Variants in DAB1 observed in about 807,000 individuals in gnomAD.
DAB1 encodes the protein disabled homolog 1.
Under a neutral mutation model 64.6 loss-of-function variants are expected in DAB1, and 15 were observed. The observed-to-expected ratio is 0.23, with a 90% CI of 0.16 to 0.36. The LOEUF (loss-of-function observed/expected upper bound fraction) is 0.36. Among genes scored for constraint, DAB1 ranks in the 10% least tolerant of loss-of-function variants. The pLI is 1.00. For missense variants in DAB1, 596 were observed against 706.7 expected (o/e 0.84, Z 1.78); for synonymous variants, 235 against 251.9 (o/e 0.93, Z 0.64).
chr1:57,022,114 C>T (rs1295264181), intron 11 of DAB1, among the ~76,000 whole-genome samples: 1 of 152,194 alleles, frequency 6.6e-6, no homozygotes, highest in Admixed American at 6.5e-5. Flanking sequence ...TCCCAAGCAC[C>T]TACACAGGAC....
intron 2 of DAB1, among the ~76,000 whole-genome samples, chr1:58,522,822 T>C (rs906042829): frequency 2.6e-5 from 4 of 152,154 alleles, no homozygotes; most frequent in African/African-American, 9.7e-5. Context: ...AGAAAATATA[T>C]TTACTATTCA....
At position 57,371,523 on chromosome 1, in the gene DAB1, G is replaced by A. The variant is rs186546248; in HGVS notation, c.-137+52407C>T. On this transcript the variant is annotated intron_variant, in intron 1 of 14. Transcript: ENST00000371236. Reference sequence around the variant, plus strand: ...TATTTATATATACATTTATGGAAGCGTCTAATGACAGGTGATTTATTTCTC... The same window carrying A: ...TATTTATATATACATTTATGGAAGCATCTAATGACAGGTGATTTATTTCTC... 3.6e-4 allele frequency among the ~76,000 whole-genome samples: 55 copies of A among 152,202 alleles called. 1 individual carries two copies. The East Asian group carries it at 0.01, about 29-fold the overall frequency.
chr1:57,325,064 C>T (rs887853604), intron 1 of DAB1, among the ~76,000 whole-genome samples: 3 of 152,222 alleles, frequency 2.0e-5, no homozygotes, highest in African/African-American at 7.2e-5. Context: ...ATGCTGGAGC[C>T]TGCCCATTTC....
chr1:57,413,957 A>G (rs1444533737), intron 1 of DAB1, among the ~76,000 whole-genome samples: 1 of 152,192 alleles, frequency 6.6e-6, no homozygotes, highest in South Asian at 2.1e-4. Context: ...GAGCCTGAAA[A>G]TGAAACTGAA....
rs533242556 is a variant in DAB1, at chr1:57,392,222, A to G, written c.-137+31708T>C. 2.6e-5 allele frequency among the ~76,000 whole-genome samples: 4 copies of G among 152,220 alleles called. No individual in the cohort carries two copies. The South Asian group carries it at 8.3e-4, about 32-fold the overall frequency. On this transcript the variant is annotated intron_variant, in intron 1 of 14. Transcript: ENST00000371236. ...ACTCCATCTCTATTCAAAATACAAA[A>G]ATCAACCAGGCATGGTGGCACATGC...
chr1:58,455,225 G>T (rs1645182034), intron 3 of DAB1, among the ~76,000 whole-genome samples: 1 of 152,254 alleles, frequency 6.6e-6, no homozygotes, highest in African/African-American at 2.4e-5. Flanking sequence ...GCTATGACTT[G>T]TGAGCAAATG....
chr1:57,485,840 G>C (rs2101256982), intron 7 of DAB1, among the ~76,000 whole-genome samples: 1 of 152,288 alleles, frequency 6.6e-6, no homozygotes, highest in South Asian at 2.1e-4. Context: ...TTGGTAAACT[G>C]TAAACTATTG....
intron 4 of DAB1, among the ~76,000 whole-genome samples, chr1:58,277,875 C>A (rs183157401): frequency 2.0e-5 from 3 of 152,310 alleles, no homozygotes; most frequent in African/African-American, 7.2e-5. Flanking sequence ...CCATCCAATT[C>A]TTCCCACTTG....
chr1:58,538,736 C>T (rs1646557240), intron 1 of DAB1: 2 of 691,966 alleles, frequency 2.9e-6, no homozygotes, highest in South Asian at 4.4e-5. Context: ...AATACGTTAG[C>T]ACAAAATATT....
intron 7 of DAB1, among the ~76,000 whole-genome samples, chr1:57,577,608 G>A (rs1233586498): frequency 6.6e-6 from 1 of 152,172 alleles, no homozygotes; most frequent in African/African-American, 2.4e-5. Flanking sequence ...AAGGCCACAT[G>A]TGTGGGTGGC....
rs1417356163 is a variant in DAB1 at position 57,543,590 on chromosome 1, A to G, written n.625+106002T>C. Among the ~76,000 whole-genome samples the G allele has an allele frequency of 2.0e-5, 3 of 152,198 alleles. No homozygotes were observed. The East Asian group carries it at 5.8e-4, about 29-fold the overall frequency. ...ATAATGTAAAATAGAGTAAAAACAC[A>G]AAGTCCTAAGAAAATAATGAGAAAG... On this transcript the variant is annotated intron_variant and non_coding_transcript_variant, in intron 7 of 20. Coordinates refer to the DAB1 transcript ENST00000485760.
At chr1:57,643,597 A>G (rs1445584011) in intron 7 of DAB1, among the ~76,000 whole-genome samples, 1 of 152,208 alleles carries the variant, frequency 6.6e-6, no homozygotes, top group African/African-American at 2.4e-5. Flanking sequence ...AGGAACCACT[A>G]TATATTTCAT....
rs1294723965 is a variant in DAB1 at position 57,291,146 on chromosome 1, T to G, written c.-116A>C. 1.8e-6 allele frequency: 1 copy of G among 555,386 alleles called. No homozygotes were observed. Among genetic ancestry groups the G allele is most frequent in the South Asian group, 3.4e-5 (1 of 29,510 alleles). The allele number at this position is 555,386 out of a possible 1,614,324, so 34.4% of individuals were successfully genotyped here. The stretch of plus-strand genomic sequence containing the variant: ...AGAAATGACACTCTGAGCTGCACAT[T>G]TCATTCACTCTTTTTGAGTGCTGCA... On this transcript the variant is annotated 5_prime_UTR_variant, in exon 2 of 15. Transcript: ENST00000371236.
intron 6 of DAB1, among the ~76,000 whole-genome samples, chr1:57,776,154 C>T (rs1379855316): frequency 2.6e-5 from 4 of 151,642 alleles, no homozygotes; most frequent in Non-Finnish European, 1.5e-5. Flanking sequence ...AATCTAACAG[C>T]CTATAATCCC....
chr1:57,020,027 A>T (rs1292929470), intron 11 of DAB1, among the ~76,000 whole-genome samples: 3 of 152,210 alleles, frequency 2.0e-5, no homozygotes, highest in Admixed American at 2.0e-4. Flanking sequence ...CATTTGATGG[A>T]TTCATTCATT....
At chr1:58,520,504 GC>G (rs1432853753) in intron 2 of DAB1, among the ~76,000 whole-genome samples, 1 of 152,052 alleles carries the variant, frequency 6.6e-6, no homozygotes, top group Non-Finnish European at 1.5e-5. Flanking sequence ...AATAAGAAAT[GC>G]AAATTAAACA....
At chr1:57,438,585 AAGG>A (rs138592942) in intron 7 of DAB1, among the ~76,000 whole-genome samples, 1,754 of 152,248 alleles carry the variant, frequency 0.012, 25 homozygotes, top group African/African-American at 0.04. Context: ...CAAAATAAAG[AAGG>A]AGGAGGAGGA....
chr1:57,025,416 T>A (rs1646752720), intron 10 of DAB1, among the ~76,000 whole-genome samples: 1 of 151,976 alleles, frequency 6.6e-6, no homozygotes, highest in South Asian at 2.1e-4. Flanking sequence ...GCCCAGGTCA[T>A]GGTCTGCAAA....
intron 1 of DAB1, chr1:57,864,362 G>A (rs1261216794): frequency 2.0e-5 from 3 of 152,204 alleles, no homozygotes; most frequent in African/African-American, 4.8e-5. Flanking sequence ...TCTTGACTAT[G>A]AGCTTTAATG....
Sources: gnomAD v4.1 joint callset for allele counts (sites outside exome capture counted in the v4.1 genomes callset) on GRCh38, gnomAD v4.1.1 for gene constraint, MANE v1.5 for transcripts, NCBI Gene and HGNC (gene_info 2026-07-23, HGNC 2026-07-21) for gene names.